RCAN2: variants seen among roughly 807,000 people sequenced by gnomAD.
RCAN2 encodes the protein regulator of calcineurin 2.
In RCAN2, 9 loss-of-function variants were observed where a neutral mutation model predicts 23.6. The observed-to-expected ratio is 0.38, with a 90% CI of 0.23 to 0.67. The LOEUF (loss-of-function observed/expected upper bound fraction) is 0.67, where lower values mean the gene tolerates loss of function less well. Ranked by LOEUF, RCAN2 falls within the 30% of genes least tolerant of loss-of-function variation. RCAN2 has a pLI of 0.51. For synonymous variants in RCAN2, 109 were observed against 115.7 expected, an observed-to-expected ratio of 0.94 and a Z score of 0.37; for missense variants, 273 against 302.3, an observed-to-expected ratio of 0.90 and a Z score of 0.72.
In RCAN2 at chr6:46,222,234, A is replaced by C. The variant is rs1765500639; in HGVS notation, c.*907T>G. On this transcript the variant is annotated 3_prime_UTR_variant, in exon 5 of 5. Coordinates refer to ENST00000371374, the MANE Select transcript of RCAN2 (RefSeq NM_001251974.2). ...CATAAGCAATGCACATTATGTTTTG[A>C]AGCAGCTAATTGTCGAACAATCACT... 2.7e-6 allele frequency: 1 copy of C among 369,918 alleles called. No homozygotes were observed. The highest frequency in any genetic ancestry group is 4.8e-6 in the Non-Finnish European group (1 of 208,380). The allele number at this position is 369,918 out of a possible 1,614,324, so 22.9% of individuals were successfully genotyped here.
intron 2 of RCAN2, among the ~76,000 whole-genome samples, chr6:46,301,584 C>G (rs1344487190): frequency 6.6e-6 from 1 of 152,092 alleles, no homozygotes; most frequent in African/African-American, 2.4e-5. Flanking sequence ...TCCTTGTAGG[C>G]TTACACTCTA....
chr6:46,461,861 C>T (rs1768222586), intron 1 of RCAN2, among the ~76,000 whole-genome samples: 1 of 152,210 alleles, frequency 6.6e-6, no homozygotes, highest in South Asian at 2.1e-4. Context: ...GTTGAGATTA[C>T]AGGCGTGAGC....
chr6:46,430,976 G>C (rs545935521), intron 2 of RCAN2, among the ~76,000 whole-genome samples: 2 of 152,308 alleles, frequency 1.3e-5, no homozygotes, highest in African/African-American at 4.8e-5. Flanking sequence ...TGGCAGAGAA[G>C]AATATGGTTG....
chr6:46,230,108 C>T (rs1367888242), intron 4 of RCAN2, among the ~76,000 whole-genome samples: 5 of 152,148 alleles, frequency 3.3e-5, no homozygotes, highest in Non-Finnish European at 7.4e-5. Context: ...TGCAGAGCGG[C>T]AAATGTTGCT....
At chr6:46,476,208 C>A (rs969593782) in intron 1 of RCAN2, among the ~76,000 whole-genome samples, 12 of 152,144 alleles carry the variant, frequency 7.9e-5, no homozygotes, top group African/African-American at 2.9e-4. Flanking sequence ...ACAGCTAGCA[C>A]AGCAGAATCA....
At chr6:46,236,068 C>T (rs1265794350) in intron 4 of RCAN2, among the ~76,000 whole-genome samples, 3 of 152,152 alleles carry the variant, frequency 2.0e-5, no homozygotes, top group South Asian at 2.1e-4. Flanking sequence ...TTATTTAGGG[C>T]GATATTATTT....
intron 2 of RCAN2, among the ~76,000 whole-genome samples, chr6:46,303,412 A>G (rs1444519619): frequency 6.6e-6 from 1 of 152,064 alleles, no homozygotes; most frequent in Non-Finnish European, 1.5e-5. Context: ...AAGGCCAGGT[A>G]TCTTTTAAAT....
In RCAN2 at chr6:46,237,281, A is replaced by G. The variant is rs1766135923; in HGVS notation, c.571+9467T>C. ...AGTTATTCTAGGCATGGTCTCTTTG[A>G]CAATGAATCTCCTCAAAAGACAACA... On this transcript the variant is annotated intron_variant, in intron 4 of 4. Coordinates refer to ENST00000371374, the MANE Select transcript of RCAN2 (RefSeq NM_001251974.2). 2.0e-5 allele frequency among the ~76,000 whole-genome samples: 3 copies of G among 152,204 alleles called. No homozygotes were observed. The South Asian group carries it at 6.2e-4, about 32-fold the overall frequency.
chr6:46,331,405 T>G (rs999999700), intron 2 of RCAN2, among the ~76,000 whole-genome samples: 5 of 152,238 alleles, frequency 3.3e-5, no homozygotes, highest in African/African-American at 1.2e-4. Context: ...ATTCATGGAT[T>G]AAACATATGT....
chr6:46,319,781 T>TC (rs1252854350), intron 2 of RCAN2, among the ~76,000 whole-genome samples: 1 of 152,178 alleles, frequency 6.6e-6, no homozygotes, highest in African/African-American at 2.4e-5. Flanking sequence ...TTCATTTATT[T>TC]CCAAAATGGC....
intron 2 of RCAN2, among the ~76,000 whole-genome samples, chr6:46,417,537 A>T (rs1462094042): frequency 6.6e-6 from 1 of 152,196 alleles, no homozygotes; most frequent in Non-Finnish European, 1.5e-5. Context: ...CTCTTCATTT[A>T]TGATAACCAA....
At chr6:46,355,512 G>C (rs995113972) in intron 2 of RCAN2, among the ~76,000 whole-genome samples, 2 of 152,136 alleles carry the variant, frequency 1.3e-5, no homozygotes, top group East Asian at 3.9e-4. Context: ...GTCTATGTCC[G>C]TTCTCCCTCT....
chr6:46,316,443 C>T (rs541322996), intron 2 of RCAN2, among the ~76,000 whole-genome samples: 1 of 152,276 alleles, frequency 6.6e-6, no homozygotes, highest in East Asian at 1.9e-4. Flanking sequence ...GAGTTCTCTC[C>T]AGGATGTCTC....
intron 2 of RCAN2, among the ~76,000 whole-genome samples, chr6:46,433,942 G>T (rs923449560): frequency 6.6e-6 from 1 of 152,114 alleles, no homozygotes; most frequent in Admixed American, 6.5e-5. Flanking sequence ...TTGGTGGAGC[G>T]GGTAAGTGCC....
intron 2 of RCAN2, among the ~76,000 whole-genome samples, chr6:46,404,019 C>T (rs1301566886): frequency 6.6e-6 from 1 of 152,040 alleles, no homozygotes; most frequent in African/African-American, 2.4e-5. Flanking sequence ...GTCAGGAGTT[C>T]AAGACCAGCC....
At chr6:46,442,054 C>A (rs1031990079) in intron 2 of RCAN2, among the ~76,000 whole-genome samples, 1 of 152,100 alleles carries the variant, frequency 6.6e-6, no homozygotes. Context: ...CTGGTTATCA[C>A]CAAGTCAATC....
intron 2 of RCAN2, among the ~76,000 whole-genome samples, chr6:46,387,152 GA>G (rs567969161): frequency 2.2e-4 from 34 of 152,164 alleles, no homozygotes; most frequent in Non-Finnish European, 4.3e-4. Context: ...AAAAACCCTA[GA>G]AAAAAACTTA....
chr6:46,472,762 A>G (rs1768602134), intron 1 of RCAN2, among the ~76,000 whole-genome samples: 1 of 152,194 alleles, frequency 6.6e-6, no homozygotes, highest in South Asian at 2.1e-4. Context: ...TCAAAACTCA[A>G]TCTTAGTCTT....
chr6:46,436,700 T>C (rs1767376764), intron 2 of RCAN2, among the ~76,000 whole-genome samples: 1 of 152,172 alleles, frequency 6.6e-6, no homozygotes, highest in South Asian at 2.1e-4. Context: ...GGTGAGGAAA[T>C]TGATGTTTAG....
Sources: allele counts gnomAD v4.1 joint callset (sites outside exome capture counted in the v4.1 genomes callset), GRCh38; gene constraint gnomAD v4.1.1; transcripts MANE v1.5; gene names NCBI Gene and HGNC (gene_info 2026-07-23, HGNC 2026-07-21).